The following CAMK2A variants were observed in gnomAD, a reference collection of about 807,000 sequenced individuals.
CAMK2A encodes calcium/calmodulin dependent protein kinase II alpha.
A neutral mutation model predicts 79.2 loss-of-function variants in CAMK2A; 7 were observed. The ratio of observed to expected loss-of-function variants is 0.09; its 90% CI spans 0.05 to 0.17. The LOEUF (loss-of-function observed/expected upper bound fraction) is 0.17. Among genes scored for constraint, CAMK2A ranks in the 10% least tolerant of loss-of-function variants. The pLI, the probability that CAMK2A is intolerant of heterozygous loss-of-function variation, is 1.00. For missense variants in CAMK2A, 214 were observed against 646.4 expected, an observed-to-expected ratio of 0.33 and a Z score of 7.25; for synonymous variants, 242 against 251.7, an observed-to-expected ratio of 0.96 and a Z score of 0.36.
intron 3 of CAMK2A, among the ~76,000 whole-genome samples, chr5:150,264,163 T>G (rs940817453): frequency 1.3e-5 from 2 of 152,186 alleles, no homozygotes; most frequent in Non-Finnish European, 2.9e-5. Flanking sequence ...TGCAAAATCC[T>G]GGCCCCATCC....
chr5:150,233,636 T>A (rs1224366165), intron 15 of CAMK2A, among the ~76,000 whole-genome samples: 3 of 152,146 alleles, frequency 2.0e-5, no homozygotes, highest in Admixed American at 6.5e-5. Flanking sequence ...ACTGCTATCT[T>A]CATCCTGCCC....
intron 6 of CAMK2A, among the ~76,000 whole-genome samples, chr5:150,255,681 A>C (rs1293464762): frequency 6.6e-6 from 1 of 152,230 alleles, no homozygotes; most frequent in Admixed American, 6.5e-5. Context: ...ACTGAAGAAC[A>C]AAAAGCAGAG....
At chr5:150,289,473 C>T (rs1162463207) in intron 1 of CAMK2A, 91 bp downstream of exon 1, 12 of 974,408 alleles carry the variant, frequency 1.2e-5, no homozygotes, top group Non-Finnish European at 1.8e-5. Context: ...ACAAGGAATG[C>T]TCCCCAAGCA....
At chr5:150,289,968 C>T (rs1272367266), upstream of CAMK2A, 1 of 276,478 alleles carries the variant, frequency 3.6e-6, no homozygotes, top group African/African-American at 2.2e-5. Context: ...CTGTGTGGGC[C>T]TGGGGGTGGG....
intron 1 of CAMK2A, among the ~76,000 whole-genome samples, chr5:150,282,519 T>C (rs1322576885): frequency 1.3e-5 from 2 of 152,234 alleles, no homozygotes; most frequent in Non-Finnish European, 2.9e-5. Context: ...ACAAAGGCTT[T>C]CAGAGGTCCA....
At chr5:150,242,822 G>C (rs903264788) in intron 13 of CAMK2A, among the ~76,000 whole-genome samples, 1 of 152,206 alleles carries the variant, frequency 6.6e-6, no homozygotes, top group African/African-American at 2.4e-5. Flanking sequence ...GGCAGGCCAG[G>C]CTCCCCAGAT....
intron 1 of CAMK2A, among the ~76,000 whole-genome samples, chr5:150,274,622 C>T (rs1002500317): frequency 6.6e-6 from 1 of 152,184 alleles, no homozygotes. Context: ...CCTGGGCAGG[C>T]TTCCCAAATC....
chr5:150,278,802 C>A (rs772318040), intron 1 of CAMK2A, among the ~76,000 whole-genome samples: 3 of 152,140 alleles, frequency 2.0e-5, no homozygotes, highest in Non-Finnish European at 4.4e-5. Context: ...TATTGGCAAC[C>A]TGGTCTAGCC....
intron 13 of CAMK2A, among the ~76,000 whole-genome samples, chr5:150,241,073 G>C (rs986289831): frequency 1.3e-5 from 2 of 152,216 alleles, no homozygotes; most frequent in Non-Finnish European, 2.9e-5. Flanking sequence ...TCCATCCAAG[G>C]GAGTGAAGGA....
At chr5:150,252,184 C>T in intron 7 of CAMK2A, 119 bp from the exon 8 acceptor site, 1 of 766,834 alleles carries the variant, frequency 1.3e-6, no homozygotes. Flanking sequence ...GAAAACAGCC[C>T]CTGCCCCTCA....
In CAMK2A at chr5:150,223,814, CT is replaced by C. The variant is rs1754468292; in HGVS notation, c.1238-598del. On this transcript the variant is annotated intron_variant, in intron 17 of 18. Coordinates refer to ENST00000671881, the MANE Select transcript of CAMK2A (RefSeq NM_015981.4). This position sits in a 1 kb window ranked among gnomAD's most constrained non-coding sequence, Gnocchi z 4.1. ...GGAAATCTGAATTTTTATATGAAAA[CT>C]CTTCATTTTTTAGTATTGGCATCTA... Among the ~76,000 whole-genome samples the C allele has an allele frequency of 6.6e-6, 1 of 152,202 alleles. No homozygotes were observed. The highest frequency in any genetic ancestry group is 6.5e-5 in the Admixed American group (1 of 15,286).
chr5:150,279,925 C>T (rs1289026111), intron 1 of CAMK2A, among the ~76,000 whole-genome samples: 1 of 152,208 alleles, frequency 6.6e-6, no homozygotes, highest in East Asian at 1.9e-4. Context: ...CCCAAAGGGG[C>T]CCACTGCCCT....
chr5:150,223,509 TAGA>T lies in CAMK2A; in HGVS notation c.1238-295_1238-293del, dbSNP rs950024015. On this transcript the variant is annotated intron_variant, in intron 17 of 18. Transcript: ENST00000671881. The surrounding 1 kb of genome is among the most constrained non-coding windows in gnomAD (Gnocchi z 4.1). The stretch of plus-strand genomic sequence containing the variant: ...GACCGTTAGCCACATGGAATAAGCC[TAGA>T]GGATCATAGAACCAGAAGAGCTGTG... 6.6e-6 allele frequency among the ~76,000 whole-genome samples: 1 copy of T among 152,146 alleles called. No individual in the cohort carries two copies. The highest frequency in any genetic ancestry group is 2.4e-5 in the African/African-American group (1 of 41,424).
chr5:150,257,010 A>T (rs188643759), intron 4 of CAMK2A, among the ~76,000 whole-genome samples, 179 bp from the exon 5 acceptor site: 8 of 151,980 alleles, frequency 5.3e-5, no homozygotes, highest in Admixed American at 4.6e-4. Flanking sequence ...CTTCCAGAGC[A>T]CCCTTCCATT....
chr5:150,287,728 C>T (rs1220569653), intron 1 of CAMK2A, among the ~76,000 whole-genome samples: 2 of 152,092 alleles, frequency 1.3e-5, no homozygotes, highest in Admixed American at 6.6e-5. Flanking sequence ...GGGTTCTAGG[C>T]GAGCACTGGA....
chr5:150,231,026 G>A lies in CAMK2A; in HGVS notation c.1142+279C>T, dbSNP rs149864150. Among the ~76,000 whole-genome samples the A allele has an allele frequency of 2.9e-3, 437 of 152,316 alleles. 2 individuals are homozygous for A. Among genetic ancestry groups the A allele is most frequent in the Admixed American group, 5.6e-3 (86 of 15,298 alleles). On this transcript the variant is annotated intron_variant, in intron 16 of 18. Transcript: ENST00000671881. The stretch of plus-strand genomic sequence containing the variant: ...GTCCACCCCCTCTTTCCTTGGGGAA[G>A]CAAGGGAGTTTTGTTGGAGTTCCTC...
At position 150,251,740 on chromosome 5, in the gene CAMK2A, C is replaced by T. The variant is rs759445529; in HGVS notation, c.693+10G>A. Reference sequence around the variant, plus strand: ...GGATGATGGGAGCTGAAGAGAGGAGCGACACTCACATCATAGGCGCCGGCT... The same window carrying T: ...GGATGATGGGAGCTGAAGAGAGGAGTGACACTCACATCATAGGCGCCGGCT... On this transcript the variant is annotated intron_variant, in intron 9 of 18. Coordinates refer to ENST00000671881, the MANE Select transcript of CAMK2A (RefSeq NM_015981.4). The T allele has an allele frequency of 7.1e-5, 113 of 1,582,362 alleles. No homozygotes were observed. The highest frequency in any genetic ancestry group is 1.3e-4 in the East Asian group (6 of 44,612).
intron 3 of CAMK2A, among the ~76,000 whole-genome samples, chr5:150,261,306 C>T (rs1264014208): frequency 2.0e-5 from 3 of 152,128 alleles, no homozygotes; most frequent in Non-Finnish European, 4.4e-5. Flanking sequence ...ACCTCAGAGC[C>T]CAGGAGACAG....
At chr5:150,283,891 G>C (rs929345237) in intron 1 of CAMK2A, among the ~76,000 whole-genome samples, 3 of 152,110 alleles carry the variant, frequency 2.0e-5, no homozygotes, top group African/African-American at 7.2e-5. Flanking sequence ...ATGACCCTAA[G>C]ACACCAAGGC....
Sources: allele counts gnomAD v4.1 joint callset (sites outside exome capture counted in the v4.1 genomes callset), GRCh38; gene constraint gnomAD v4.1.1; non-coding constraint Gnocchi (gnomAD v3.1); transcripts MANE v1.5; gene names NCBI Gene and HGNC (gene_info 2026-07-23, HGNC 2026-07-21).